HDAC9: variants seen among roughly 807,000 people sequenced by gnomAD.
HDAC9 encodes the protein MEF-2 interacting transcription repressor (MITR) protein.
A neutral mutation model predicts 139.4 loss-of-function variants in HDAC9; 41 were observed. The observed-to-expected ratio is 0.29, with a 90% CI of 0.23 to 0.38. The LOEUF (loss-of-function observed/expected upper bound fraction) is 0.38. HDAC9 is among the 10% of genes least tolerant of loss of function. HDAC9 has a pLI of 1.00. For missense variants in HDAC9, 1,147 were observed against 1,297.0 expected, an observed-to-expected ratio of 0.88 and a Z score of 1.78; for synonymous variants, 517 against 476.2, an observed-to-expected ratio of 1.09 and a Z score of -1.12.
intron 2 of HDAC9, among the ~76,000 whole-genome samples, chr7:18,230,392 C>T (rs373500359): frequency 6.6e-6 from 1 of 152,198 alleles, no homozygotes; most frequent in Non-Finnish European, 1.5e-5. Context: ...GAAGCTAGCC[C>T]TTATAGATGC....
chr7:18,097,011 T>C (rs1413127546), intron 1 of HDAC9, among the ~76,000 whole-genome samples: 1 of 152,088 alleles, frequency 6.6e-6, no homozygotes, highest in African/African-American at 2.4e-5. Flanking sequence ...TTTTCTGTGA[T>C]GATGGAAATA....
intron 1 of HDAC9, among the ~76,000 whole-genome samples, chr7:18,146,449 T>C (rs575664504): frequency 6.6e-6 from 1 of 152,294 alleles, no homozygotes; most frequent in South Asian, 2.1e-4. Flanking sequence ...AAGTTTTTCT[T>C]CAGAGCTGCT....
At chr7:18,622,504 A>G (rs1031344552) in intron 6 of HDAC9, among the ~76,000 whole-genome samples, 7 of 151,740 alleles carry the variant, frequency 4.6e-5, no homozygotes, top group African/African-American at 1.7e-4. Flanking sequence ...TTGTATTTTT[A>G]ATAGAGATGG....
intron 2 of HDAC9, among the ~76,000 whole-genome samples, chr7:18,267,440 C>G (rs1340977835): frequency 6.6e-6 from 1 of 152,038 alleles, no homozygotes; most frequent in Admixed American, 6.6e-5. Context: ...CAAGAGCTCC[C>G]CAGTCTCTTC....
At chr7:18,827,170 G>C (rs1250020908) in intron 17 of HDAC9, among the ~76,000 whole-genome samples, 4 of 151,724 alleles carry the variant, frequency 2.6e-5, no homozygotes. Flanking sequence ...ATTATACTAT[G>C]TATATTATTA....
In HDAC9 at chr7:18,345,177, A is replaced by G. The variant is rs536186262; in HGVS notation, c.-42+54662A>G. Among the ~76,000 whole-genome samples the G allele has an allele frequency of 5.3e-5, 8 of 152,184 alleles. No homozygotes were observed. In the East Asian group the frequency reaches 1.5e-3, roughly 29 times the overall value. On this transcript the variant is annotated intron_variant, in intron 1 of 3. Coordinates refer to the HDAC9 transcript ENST00000413509. ...TTTAATCAGATGCATTGGTAATTCTATGACCTGAAAGGGATATTGTGTTTC... is the reference window on the plus strand; with the variant it reads ...TTTAATCAGATGCATTGGTAATTCTGTGACCTGAAAGGGATATTGTGTTTC...
chr7:18,351,130 C>T (rs992407631), intron 1 of HDAC9, among the ~76,000 whole-genome samples: 1 of 151,952 alleles, frequency 6.6e-6, no homozygotes, highest in African/African-American at 2.4e-5. Flanking sequence ...TTTTTTATTG[C>T]GTTAAACATA....
chr7:18,313,820 G>A (rs1161277139), intron 1 of HDAC9, among the ~76,000 whole-genome samples: 1 of 152,046 alleles, frequency 6.6e-6, no homozygotes, highest in African/African-American at 2.4e-5. Flanking sequence ...TTATCCTTTT[G>A]TGCTAAGATT....
In HDAC9 at chr7:18,998,940, A is replaced by G. The variant is rs899980986; in HGVS notation, c.*2878A>G. 18 of 152,372 alleles carry G rather than the reference A, an allele frequency of 1.2e-4. No homozygotes were observed. The highest frequency in any genetic ancestry group is 4.3e-4 in the African/African-American group (18 of 41,594). 9.4% of individuals were successfully genotyped at this position (152,372 alleles called of 1,614,324 possible). On this transcript the variant is annotated 3_prime_UTR_variant, in exon 26 of 26. Coordinates refer to ENST00000686413, the MANE Select transcript of HDAC9 (RefSeq NM_178425.4). ...CCAATTGTATAATTTGGGGCTGTAT[A>G]TTAAACTAAAAAACACAGACAGTTT...
At chr7:18,279,723 C>G (rs968203649) in intron 2 of HDAC9, among the ~76,000 whole-genome samples, 3 of 152,072 alleles carry the variant, frequency 2.0e-5, no homozygotes, top group African/African-American at 4.8e-5. Context: ...CTCGACCCCC[C>G]AAAGTACTGG....
At chr7:18,317,560 G>C (rs998257584) in intron 1 of HDAC9, among the ~76,000 whole-genome samples, 1 of 152,190 alleles carries the variant, frequency 6.6e-6, no homozygotes, top group African/African-American at 2.4e-5. Flanking sequence ...TAGAACCTAT[G>C]ACTCACGTAT....
intron 2 of HDAC9, among the ~76,000 whole-genome samples, chr7:18,583,464 T>C (rs1272560394): frequency 1.3e-5 from 2 of 151,968 alleles, no homozygotes; most frequent in Non-Finnish European, 2.9e-5. Flanking sequence ...CTCATGCCTA[T>C]AATCTCAGAA....
At chr7:18,964,983 G>A (rs1208951466) in intron 24 of HDAC9, among the ~76,000 whole-genome samples, 1 of 152,198 alleles carries the variant, frequency 6.6e-6, no homozygotes, top group Non-Finnish European at 1.5e-5. Flanking sequence ...GAGATAAAAT[G>A]GACTGGTCAT....
chr7:18,487,212 T>C (rs1366814341), intron 1 of HDAC9, among the ~76,000 whole-genome samples: 1 of 151,700 alleles, frequency 6.6e-6, no homozygotes. Context: ...ACCAGGCAAA[T>C]GTGAATAAAA....
intron 1 of HDAC9, among the ~76,000 whole-genome samples, chr7:18,349,603 G>C (rs1475008400): frequency 1.3e-5 from 2 of 151,392 alleles, no homozygotes; most frequent in African/African-American, 4.9e-5. Flanking sequence ...CTTTATGTTA[G>C]TAATTTTATA....
At chr7:18,344,351 A>G (rs59928518) in intron 1 of HDAC9, among the ~76,000 whole-genome samples, 13,838 of 151,926 alleles carry the variant, frequency 0.091, 1,247 homozygotes, top group African/African-American at 0.24. Context: ...CAACAAGCTT[A>G]TAAGGTATTA....
intron 17 of HDAC9, among the ~76,000 whole-genome samples, chr7:18,825,643 G>C (rs1795366031): frequency 6.6e-6 from 1 of 151,394 alleles, no homozygotes; most frequent in East Asian, 1.9e-4. Flanking sequence ...CTATTAAAAG[G>C]AGAAGAAGAA....
At chr7:18,802,294 T>C (rs2520341) in intron 17 of HDAC9, among the ~76,000 whole-genome samples, 1 of 151,584 alleles carries the variant, frequency 6.6e-6, no homozygotes, top group Non-Finnish European at 1.5e-5. Flanking sequence ...TGTGTATTTT[T>C]AAATTTCCAA....
intron 1 of HDAC9, among the ~76,000 whole-genome samples, chr7:18,396,639 G>A (rs1042385517): frequency 1.3e-5 from 2 of 152,122 alleles, no homozygotes; most frequent in Non-Finnish European, 2.9e-5. Context: ...GATTGTCACT[G>A]TTAAGAGACA....
Sources: gnomAD v4.1 joint callset for allele counts (sites outside exome capture counted in the v4.1 genomes callset) on GRCh38, gnomAD v4.1.1 for gene constraint, MANE v1.5 for transcripts, NCBI Gene and HGNC (gene_info 2026-07-23, HGNC 2026-07-21) for gene names.